Variants in BAZ1A observed in about 807,000 individuals in gnomAD.
The protein encoded by BAZ1A is bromodomain adjacent to zinc finger domain protein 1A.
Under a neutral mutation model 185.2 loss-of-function variants are expected in BAZ1A, and 50 were observed. The ratio of observed to expected loss-of-function variants is 0.27; its 90% CI spans 0.22 to 0.34. BAZ1A has a LOEUF of 0.34. Among genes scored for constraint, BAZ1A ranks in the 10% least tolerant of loss-of-function variants. The pLI, the probability that BAZ1A is intolerant of heterozygous loss-of-function variation, is 1.00. For missense variants in BAZ1A, 1,356 were observed against 1,839.9 expected, an observed-to-expected ratio of 0.74 and a Z score of 4.81; for synonymous variants, 571 against 615.6, an observed-to-expected ratio of 0.93 and a Z score of 1.07.
chr14:34,866,698 C>A (rs2042866995), intron 2 of BAZ1A, among the ~76,000 whole-genome samples: 1 of 151,798 alleles, frequency 6.6e-6, no homozygotes, highest in Admixed American at 6.6e-5. Flanking sequence ...GGATATCCAT[C>A]ACATGAAGTA....
At chr14:34,871,173 C>CA (rs1288780063) in intron 2 of BAZ1A, among the ~76,000 whole-genome samples, 2 of 152,188 alleles carry the variant, frequency 1.3e-5, no homozygotes, top group Admixed American at 1.3e-4. Context: ...CATTTTTTAA[C>CA]AATCCACAGC....
At chr14:34,868,800 C>CA (rs905782370) in intron 2 of BAZ1A, among the ~76,000 whole-genome samples, 25 of 144,882 alleles carry the variant, frequency 1.7e-4, no homozygotes, top group South Asian at 6.6e-4. Context: ...GACTCCGTCT[C>CA]AAAAAAAAAC....
intron 6 of BAZ1A, 24 bp downstream of exon 6, chr14:34,807,427 C>A (rs1256570886): frequency 6.5e-7 from 1 of 1,547,252 alleles, no homozygotes; most frequent in Admixed American, 1.7e-5. Flanking sequence ...TGTCTTCCAA[C>A]AAATAATTTC....
chr14:34,867,729 T>A (rs944222747), intron 2 of BAZ1A, among the ~76,000 whole-genome samples: 1 of 152,184 alleles, frequency 6.6e-6, no homozygotes, highest in Non-Finnish European at 1.5e-5. Context: ...GTGGCCAATT[T>A]AAGGGAGAAA....
intron 3 of BAZ1A, among the ~76,000 whole-genome samples, chr14:34,839,368 T>C (rs966171361): frequency 6.6e-6 from 1 of 150,980 alleles, no homozygotes; most frequent in African/African-American, 2.4e-5. Context: ...GGTGAAACTC[T>C]ATGTCTACAA....
chr14:34,787,369 G>GAAAAGA (rs1880544729), intron 12 of BAZ1A, among the ~76,000 whole-genome samples: 1 of 90,192 alleles, frequency 1.1e-5, no homozygotes. Flanking sequence ...AAAAAAAAAA[G>GAAAAGA]AAAAGAAAAC....
At chr14:34,790,912 C>A (rs575874744) in intron 12 of BAZ1A, among the ~76,000 whole-genome samples, 1 of 152,006 alleles carries the variant, frequency 6.6e-6, no homozygotes, top group Admixed American at 6.5e-5. Context: ...ACCCTGAGGT[C>A]GGGAGTTCGA....
At chr14:34,789,251 T>C (rs1314330647) in intron 12 of BAZ1A, among the ~76,000 whole-genome samples, 1 of 152,198 alleles carries the variant, frequency 6.6e-6, no homozygotes, top group Non-Finnish European at 1.5e-5. Context: ...AATCACCACA[T>C]TCAACCTATA....
intron 2 of BAZ1A, among the ~76,000 whole-genome samples, chr14:34,864,897 C>G (rs1285640888): frequency 2.6e-5 from 4 of 151,990 alleles, no homozygotes; most frequent in Non-Finnish European, 5.9e-5. Flanking sequence ...CTGCCTCAGT[C>G]TCCCAAGTAG....
intron 3 of BAZ1A, among the ~76,000 whole-genome samples, chr14:34,843,112 G>T (rs1594894654): frequency 7.0e-6 from 1 of 142,124 alleles, no homozygotes; most frequent in Admixed American, 6.9e-5. Context: ...GAAAACTAGG[G>T]ACTGGCTAAA....
intron 24 of BAZ1A, among the ~76,000 whole-genome samples, chr14:34,760,668 C>T (rs562934327): frequency 6.6e-6 from 1 of 152,072 alleles, no homozygotes; most frequent in Non-Finnish European, 1.5e-5. Context: ...GCCTGGGCAA[C>T]TTGGCAAGAC....
At chr14:34,819,001 C>T (rs1594871463) in intron 4 of BAZ1A, among the ~76,000 whole-genome samples, 1 of 151,546 alleles carries the variant, frequency 6.6e-6, no homozygotes, top group African/African-American at 2.4e-5. Context: ...ATTAGCCGGG[C>T]GTGGTGGCAG....
intron 12 of BAZ1A, among the ~76,000 whole-genome samples, chr14:34,789,044 A>G (rs1880680133): frequency 6.6e-6 from 1 of 152,218 alleles, no homozygotes; most frequent in African/African-American, 2.4e-5. Context: ...ATATATGCCA[A>G]AAGTCATTCC....
At chr14:34,839,839 C>CAAAAAAAAAAAAAAAAAAA (rs60954768) in intron 3 of BAZ1A, among the ~76,000 whole-genome samples, 6 of 106,676 alleles carry the variant, frequency 5.6e-5, no homozygotes, top group Admixed American at 1.0e-4. Flanking sequence ...GCCTCTGTTT[C>CAAAAAAAAAAAAAAAAAAA]AAAAAAAAAA....
At chr14:34,869,385 T>G (rs1028723789) in intron 2 of BAZ1A, among the ~76,000 whole-genome samples, 1 of 152,018 alleles carries the variant, frequency 6.6e-6, no homozygotes, top group Non-Finnish European at 1.5e-5. Flanking sequence ...TCAGAAAAAC[T>G]CATGTTTTCA....
chr14:34,824,753 C>A (rs1371722228), intron 4 of BAZ1A, among the ~76,000 whole-genome samples: 1 of 152,058 alleles, frequency 6.6e-6, no homozygotes, highest in African/African-American at 2.4e-5. Context: ...ATTTCAGGAG[C>A]AAAGTAATTA....
rs1566586080 is a variant in BAZ1A at position 34,832,203 on chromosome 14, C to CATATATATATATAT, written c.393-6048_393-6047insATATATATATATAT. 1.2e-4 allele frequency among the ~76,000 whole-genome samples: 9 copies of CATATATATATATAT among 76,096 alleles called. No homozygotes were observed. The South Asian group carries it at 2.4e-3, about 20-fold the overall frequency. 49.9% of individuals were successfully genotyped at this position (76,096 alleles called of 152,430 possible). On this transcript the variant is annotated intron_variant, in intron 3 of 26. Coordinates refer to ENST00000360310, the MANE Select transcript of BAZ1A (RefSeq NM_013448.3). Reference sequence around the variant, plus strand: ...ACATATATACATATACACACACACACACACACACACACATATATATATATA... The same window carrying CATATATATATATAT: ...ACATATATACATATACACACACACACATATATATATATATACACACACACACATATATATATATA...
chr14:34,794,930 A>G (rs762308068), intron 10 of BAZ1A, 43 bp from the exon 11 acceptor site: 30 of 1,592,618 alleles, frequency 1.9e-5, no homozygotes, highest in Non-Finnish European at 2.4e-5. Flanking sequence ...AACCAAGAGC[A>G]GGAAAACTTA....
intron 3 of BAZ1A, among the ~76,000 whole-genome samples, chr14:34,832,211 C>CATATATAT (rs1181710627): frequency 3.1e-4 from 20 of 65,528 alleles, no homozygotes; most frequent in African/African-American, 6.4e-4. Flanking sequence ...CACACACACA[C>CATATATAT]ACACATATAT....
Sources: allele counts gnomAD v4.1 joint callset (sites outside exome capture counted in the v4.1 genomes callset), GRCh38; gene constraint gnomAD v4.1.1; transcripts MANE v1.5; gene names NCBI Gene and HGNC (gene_info 2026-07-23, HGNC 2026-07-21).